MRTFB: variants seen among roughly 807,000 people sequenced by gnomAD.
MRTFB encodes myocardin related transcription factor B.
In MRTFB, 29 loss-of-function variants were observed where a neutral mutation model predicts 104.2. The observed-to-expected ratio is 0.28, with a 90% CI of 0.21 to 0.38. MRTFB has a LOEUF of 0.38. MRTFB is among the 10% of genes least tolerant of loss of function. MRTFB has a pLI of 1.00. For missense variants in MRTFB, 1,270 were observed against 1,341.6 expected (o/e 0.95, Z 0.83); for synonymous variants, 535 against 519.5 (o/e 1.03, Z -0.41).
the MRTFB span, among the ~76,000 whole-genome samples, chr16:14,050,569 A>G: frequency 6.6e-6 from 1 of 152,178 alleles, no homozygotes; most frequent in Non-Finnish European, 1.5e-5. Flanking sequence ...CTTAAACAGC[A>G]TAGCAAGAAC....
the MRTFB span, among the ~76,000 whole-genome samples, chr16:14,012,391 C>T: frequency 2.5e-4 from 38 of 150,274 alleles, no homozygotes; most frequent in Admixed American, 9.2e-4. Context: ...CTCTGCCTCC[C>T]GGGTTCAAGC....
At chr16:14,244,350 T>C (rs1344678118) in intron 10 of MRTFB, among the ~76,000 whole-genome samples, 1 of 152,200 alleles carries the variant, frequency 6.6e-6, no homozygotes, top group Admixed American at 6.5e-5. Context: ...CCACAGTAAA[T>C]AGTCTGTGTC....
intron 3 of MRTFB, among the ~76,000 whole-genome samples, chr16:14,185,006 A>G (rs2039898903): frequency 1.3e-5 from 2 of 152,252 alleles, no homozygotes; most frequent in East Asian, 3.8e-4. Context: ...TGACCAACCT[A>G]AAGAATGTCC....
At chr16:14,143,160 T>G (rs2038097968) in intron 3 of MRTFB, 1 of 147,026 alleles carries the variant, frequency 6.8e-6, no homozygotes, top group South Asian at 2.1e-4. Flanking sequence ...ACTGAACATT[T>G]CTTTTTTTTT....
In MRTFB at chr16:14,081,332, A is replaced by G. The variant is rs940996225; in HGVS notation, c.-64+1978A>G. On this transcript the variant is annotated intron_variant, in intron 2 of 16. Coordinates refer to ENST00000571589, the MANE Select transcript of MRTFB (RefSeq NM_001308142.2). ...TTTGAGACAGAGTTTCACTTTTGTT[A>G]TGCAGGCTGGAATGCAATGCTGTGA... 4.5e-5 allele frequency among the ~76,000 whole-genome samples: 5 copies of G among 112,122 alleles called. No homozygotes were observed. The Admixed American group carries it at 5.1e-4, about 11-fold the overall frequency. 73.6% of individuals were successfully genotyped at this position (112,122 alleles called of 152,430 possible).
chr16:14,115,327 A>G (rs1478001514), intron 2 of MRTFB, among the ~76,000 whole-genome samples: 1 of 152,238 alleles, frequency 6.6e-6, no homozygotes, highest in African/African-American at 2.4e-5. Context: ...CTACTACTTC[A>G]AGTCTGCTAT....
chr16:14,215,814 C>T (rs1394440894), intron 6 of MRTFB, among the ~76,000 whole-genome samples: 1 of 152,168 alleles, frequency 6.6e-6, no homozygotes, highest in African/African-American at 2.4e-5. Context: ...GTGCTAGGGC[C>T]TTCTCTTTGG....
chr16:14,194,299 G>C (rs1882538864), intron 3 of MRTFB, among the ~76,000 whole-genome samples: 2 of 152,226 alleles, frequency 1.3e-5, no homozygotes, highest in Non-Finnish European at 2.9e-5. Context: ...AGTTAATGGT[G>C]GTGGGTCTCT....
intron 1 of MRTFB, among the ~76,000 whole-genome samples, chr16:14,076,870 T>G (rs976845502): frequency 7.2e-5 from 11 of 152,228 alleles, no homozygotes; most frequent in Admixed American, 7.2e-4. Flanking sequence ...TAATATGCAT[T>G]GCTTTCATTA....
chr16:14,209,088 CTG>C (rs1212189873), intron 3 of MRTFB, among the ~76,000 whole-genome samples: 1 of 152,200 alleles, frequency 6.6e-6, no homozygotes, highest in Non-Finnish European at 1.5e-5. Context: ...TTACCTAAGA[CTG>C]TGCTCTGCTC....
chr16:14,023,610 C>CAT, the MRTFB span, among the ~76,000 whole-genome samples: 18,592 of 106,566 alleles, frequency 0.17, 1,434 homozygotes, highest in Admixed American at 0.26. Flanking sequence ...CACACACACA[C>CAT]ATACATATAC....
At chr16:14,078,505 C>T (rs548402678) in intron 1 of MRTFB, among the ~76,000 whole-genome samples, 1 of 152,080 alleles carries the variant, frequency 6.6e-6, no homozygotes, top group African/African-American at 2.4e-5. Context: ...TTATGGCTTA[C>T]TGCAGCCTTG....
chr16:14,105,837 T>A (rs1344792164), intron 2 of MRTFB, among the ~76,000 whole-genome samples: 1 of 152,254 alleles, frequency 6.6e-6, no homozygotes, highest in African/African-American at 2.4e-5. Flanking sequence ...TAAAATGCTG[T>A]CATTCTGTCT....
chr16:14,238,214 G>A (rs1485963600), intron 9 of MRTFB, among the ~76,000 whole-genome samples: 1 of 152,072 alleles, frequency 6.6e-6, no homozygotes, highest in Non-Finnish European at 1.5e-5. Flanking sequence ...ATCCAACAGT[G>A]CACGGGATGG....
intron 2 of MRTFB, among the ~76,000 whole-genome samples, chr16:14,103,828 A>G (rs762864691): frequency 1.3e-5 from 2 of 152,248 alleles, no homozygotes; most frequent in Non-Finnish European, 2.9e-5. Context: ...AAAGAGTAGC[A>G]GTTTTAAAGA....
At chr16:14,211,913 C>A (rs77333614) in intron 4 of MRTFB, among the ~76,000 whole-genome samples, 1 of 152,232 alleles carries the variant, frequency 6.6e-6, no homozygotes, top group African/African-American at 2.4e-5. Context: ...GAGCCCATTA[C>A]GGGTTCTAAA....
intron 2 of MRTFB, among the ~76,000 whole-genome samples, chr16:14,102,266 C>G (rs1352166598): frequency 6.6e-6 from 1 of 152,082 alleles, no homozygotes; most frequent in East Asian, 1.9e-4. Context: ...GTGGGCTAAG[C>G]AGCTAGTTTT....
chr16:14,265,094 A>G lies in MRTFB; in HGVS notation c.*3650A>G, dbSNP rs1223663776. 3.3e-5 allele frequency: 5 copies of G among 152,210 alleles called. No homozygotes were observed. Among genetic ancestry groups the G allele is most frequent in the African/African-American group, 4.8e-5 (2 of 41,456 alleles). 9.4% of individuals were successfully genotyped at this position (152,210 alleles called of 1,614,324 possible). A position where few individuals can be genotyped will look rare whatever the true frequency, so the allele number is the denominator to read the frequency against. ...TCAGTATACATCCTCACTGGCTTCC[A>G]TGCACCCACCTGACGGTAGCCTCAC... is the stretch of plus-strand genomic sequence containing the variant. On this transcript the variant is annotated 3_prime_UTR_variant, in exon 17 of 17. Coordinates refer to ENST00000571589, the MANE Select transcript of MRTFB (RefSeq NM_001308142.2).
At chr16:14,199,584 T>C (rs994441630) in intron 3 of MRTFB, among the ~76,000 whole-genome samples, 1 of 152,198 alleles carries the variant, frequency 6.6e-6, no homozygotes, top group African/African-American at 2.4e-5. Flanking sequence ...CCCAGGATCA[T>C]CTTTGTGACC....
Sources: gnomAD v4.1 joint callset for allele counts (sites outside exome capture counted in the v4.1 genomes callset) on GRCh38, gnomAD v4.1.1 for gene constraint, MANE v1.5 for transcripts, NCBI Gene and HGNC (gene_info 2026-07-23, HGNC 2026-07-21) for gene names.